CLEC16A: variants seen among roughly 807,000 people sequenced by gnomAD.
The protein encoded by CLEC16A is C-type lectin domain containing 16A.
A neutral mutation model predicts 109.5 loss-of-function variants in CLEC16A; 51 were observed. The ratio of observed to expected loss-of-function variants is 0.47; its 90% CI spans 0.37 to 0.59. CLEC16A has a LOEUF of 0.59. CLEC16A is among the 20% of genes least tolerant of loss of function. CLEC16A has a pLI of 0.00. For missense variants in CLEC16A, 1,339 were observed against 1,394.0 expected (o/e 0.96, Z 0.63); for synonymous variants, 673 against 564.2 (o/e 1.19, Z -2.73).
chr16:11,141,943 G>A (rs1041669264), intron 22 of CLEC16A, among the ~76,000 whole-genome samples: 16 of 152,220 alleles, frequency 1.1e-4, no homozygotes, highest in Admixed American at 9.8e-4. Context: ...ACAGGAAGCA[G>A]TAGTGTGCTT....
intron 19 of CLEC16A, among the ~76,000 whole-genome samples, chr16:11,100,193 T>G (rs114785389): frequency 8.1e-4 from 123 of 152,304 alleles, no homozygotes; most frequent in African/African-American, 2.8e-3. Flanking sequence ...AGCCAGTCAT[T>G]CCTTAACAGG....
intron 13 of CLEC16A, among the ~76,000 whole-genome samples, chr16:11,028,402 C>G (rs1190585245): frequency 6.6e-6 from 1 of 152,086 alleles, no homozygotes; most frequent in East Asian, 1.9e-4. Context: ...TTGTACAAGG[C>G]TCCCTAAGAC....
At chr16:11,119,399 T>C (rs2052237689) in intron 19 of CLEC16A, among the ~76,000 whole-genome samples, 1 of 152,170 alleles carries the variant, frequency 6.6e-6, no homozygotes, top group South Asian at 2.1e-4. Flanking sequence ...TTGCTCTTTT[T>C]TTGTTTGTTT....
At chr16:11,098,589 T>C (rs757245721) in intron 19 of CLEC16A, among the ~76,000 whole-genome samples, 2 of 152,172 alleles carry the variant, frequency 1.3e-5, no homozygotes, top group African/African-American at 2.4e-5. Flanking sequence ...CCATAGACCC[T>C]CCAGGGCCCT....
intron 7 of CLEC16A, 128 bp downstream of exon 7, chr16:10,973,189 C>G (rs1001906681): frequency 3.8e-6 from 4 of 1,064,796 alleles, no homozygotes; most frequent in Middle Eastern, 3.1e-4. Context: ...GCATGGACTT[C>G]CGTACTGTAA....
intron 10 of CLEC16A, among the ~76,000 whole-genome samples, chr16:10,992,423 T>C (rs894534009): frequency 6.6e-6 from 1 of 151,950 alleles, no homozygotes; most frequent in Non-Finnish European, 1.5e-5. Context: ...AAATGATAAA[T>C]ACATGAGGCG....
chr16:10,978,945 A>G (rs2043166693), intron 8 of CLEC16A, among the ~76,000 whole-genome samples: 1 of 151,492 alleles, frequency 6.6e-6, no homozygotes. Context: ...AGTGCCCTAA[A>G]CCTCCTCCCC....
intron 8 of CLEC16A, among the ~76,000 whole-genome samples, chr16:10,977,993 A>G (rs2043115563): frequency 6.6e-6 from 1 of 152,208 alleles, no homozygotes; most frequent in Non-Finnish European, 1.5e-5. Context: ...GTTTCTGTGC[A>G]TCCTTCCCTG....
At chr16:11,176,671 G>C (rs945230139) in intron 23 of CLEC16A, among the ~76,000 whole-genome samples, 2 of 152,192 alleles carry the variant, frequency 1.3e-5, no homozygotes, top group African/African-American at 4.8e-5. Context: ...CCAGAAGGTT[G>C]AGGCTGCAGT....
intron 19 of CLEC16A, among the ~76,000 whole-genome samples, chr16:11,107,810 GCTGTTTT>G (rs1251012843): frequency 6.6e-6 from 1 of 152,236 alleles, no homozygotes; most frequent in Non-Finnish European, 1.5e-5. Flanking sequence ...CAGAATGGCT[GCTGTTTT>G]CAGTTTTCAG....
chr16:11,052,288 A>G (rs2047989250), intron 18 of CLEC16A, among the ~76,000 whole-genome samples: 2 of 152,158 alleles, frequency 1.3e-5, no homozygotes, highest in Admixed American at 6.5e-5. Context: ...TTCCTAGAAA[A>G]TCATTCACTG....
In CLEC16A at chr16:11,003,316, C is replaced by T; in HGVS notation, c.1303+11C>T. The T allele has an allele frequency of 6.2e-7, 1 of 1,606,164 alleles. No homozygotes were observed. The highest frequency in any genetic ancestry group is 8.5e-7 in the Non-Finnish European group (1 of 1,174,994). On this transcript the variant is annotated intron_variant, in intron 11 of 23. Transcript: ENST00000409790. ...GTGGGGAGAGTGAAGGTGAGTGTCCCCATGAACGCCGCCCTGTGCCTGCGC... is the reference window on the plus strand; with the variant it reads ...GTGGGGAGAGTGAAGGTGAGTGTCCTCATGAACGCCGCCCTGTGCCTGCGC...
At chr16:11,112,037 T>G (rs1164044813) in intron 19 of CLEC16A, among the ~76,000 whole-genome samples, 2 of 152,182 alleles carry the variant, frequency 1.3e-5, no homozygotes, top group Non-Finnish European at 1.5e-5. Context: ...TGGTGTAGAG[T>G]TCTCCCTACC....
At chr16:11,089,740 G>T (rs890449108) in intron 19 of CLEC16A, among the ~76,000 whole-genome samples, 1 of 152,160 alleles carries the variant, frequency 6.6e-6, no homozygotes, top group Non-Finnish European at 1.5e-5. Flanking sequence ...GGAAGGGCCC[G>T]ACTCAGGAAA....
intron 13 of CLEC16A, among the ~76,000 whole-genome samples, chr16:11,038,194 TG>T (rs778060539): frequency 3.9e-5 from 6 of 152,210 alleles, no homozygotes; most frequent in Non-Finnish European, 8.8e-5. Context: ...TCAATGTGCA[TG>T]TGCAGGAGTT....
At chr16:11,028,567 A>G (rs1220718395) in intron 13 of CLEC16A, among the ~76,000 whole-genome samples, 1 of 151,994 alleles carries the variant, frequency 6.6e-6, no homozygotes, top group African/African-American at 2.4e-5. Flanking sequence ...AAGAAGCTCT[A>G]ATTATTGATT....
At chr16:10,997,450 A>T (rs2044396655) in intron 10 of CLEC16A, among the ~76,000 whole-genome samples, 1 of 152,098 alleles carries the variant, frequency 6.6e-6, no homozygotes, top group Non-Finnish European at 1.5e-5. Flanking sequence ...CCTCCACCCC[A>T]CCCAAGAGAA....
chr16:11,153,237 T>G (rs1248423190), intron 22 of CLEC16A, among the ~76,000 whole-genome samples: 1 of 152,188 alleles, frequency 6.6e-6, no homozygotes, highest in African/African-American at 2.4e-5. Context: ...AATTGGCATC[T>G]GACACCAGCG....
intron 14 of CLEC16A, 81 bp downstream of exon 14, chr16:11,039,957 G>A: frequency 1.3e-6 from 2 of 1,509,404 alleles, no homozygotes; most frequent in Non-Finnish European, 1.8e-6. Context: ...AGCCCTGGGT[G>A]CTAGGCCTGA....
Sources: allele counts gnomAD v4.1 joint callset (sites outside exome capture counted in the v4.1 genomes callset), GRCh38; gene constraint gnomAD v4.1.1; transcripts MANE v1.5; gene names NCBI Gene and HGNC (gene_info 2026-07-23, HGNC 2026-07-21).